SNTG1: variants seen among roughly 807,000 people sequenced by gnomAD.
The protein encoded by SNTG1 is syntrophin gamma 1, also known as gamma-1-syntrophin.
SNTG1 carries 39 observed loss-of-function variants against 74.7 expected under a neutral mutation model. That is an observed-to-expected ratio of 0.52 (90% CI 0.40 to 0.68). The LOEUF is 0.68. Among genes scored for constraint, SNTG1 ranks in the 30% least tolerant of loss-of-function variants. The probability of loss-of-function intolerance (pLI) is 0.00; values close to 1 mark genes in which losing one functional copy is unlikely to be tolerated. For synonymous variants in SNTG1, 254 were observed against 217.1 expected (o/e 1.17, Z -1.49); for missense variants, 685 against 609.5 (o/e 1.12, Z -1.30).
intron 3 of SNTG1, among the ~76,000 whole-genome samples, chr8:50,397,480 A>C (rs1428811370): frequency 6.6e-6 from 1 of 152,172 alleles, no homozygotes; most frequent in Admixed American, 6.5e-5. Flanking sequence ...AAAGCACTTC[A>C]GGAAGGAGTG....
chr8:50,605,342 T>A (rs2094805150), intron 13 of SNTG1, among the ~76,000 whole-genome samples: 1 of 152,170 alleles, frequency 6.6e-6, no homozygotes, highest in South Asian at 2.1e-4. Context: ...CCTTGTGGCT[T>A]AGACTGCCTT....
intron 1 of SNTG1, among the ~76,000 whole-genome samples, chr8:49,929,359 T>C (rs1046357985): frequency 2.0e-5 from 3 of 152,194 alleles, no homozygotes; most frequent in African/African-American, 7.2e-5. Flanking sequence ...TCTTACTCAA[T>C]GGTACTTGCT....
At chr8:50,607,417 T>G (rs189737218) in intron 13 of SNTG1, among the ~76,000 whole-genome samples, 1 of 151,732 alleles carries the variant, frequency 6.6e-6, no homozygotes, top group African/African-American at 2.4e-5. Flanking sequence ...AGTTATCAAA[T>G]TTATTTTTGA....
Position 50,258,295 on chromosome 8 carries a change from A to G in SNTG1, c.-28+85660A>G, listed in dbSNP as rs143381835. 4.6e-3 allele frequency among the ~76,000 whole-genome samples: 698 copies of G among 152,322 alleles called. 5 individuals carry two copies. The highest frequency in any genetic ancestry group is 6.8e-3 in the Non-Finnish European group (460 of 68,016). On this transcript the variant is annotated intron_variant, in intron 2 of 18. Transcript: ENST00000642720. ...GAAATGTGAGAGTAGGAAATATTAT[A>G]TTACTAATTTTTCTGAAATATGCTA...
At chr8:50,003,005 A>G (rs1345725441) in intron 1 of SNTG1, among the ~76,000 whole-genome samples, 2 of 152,200 alleles carry the variant, frequency 1.3e-5, no homozygotes, top group Non-Finnish European at 2.9e-5. Flanking sequence ...ACAAAGTCCC[A>G]CATATTATAT....
chr8:50,196,816 C>CA lies in SNTG1; in HGVS notation c.-28+24189dup, dbSNP rs964688672. Among the ~76,000 whole-genome samples, 240 of 144,764 alleles carry CA rather than the reference C, an allele frequency of 1.7e-3. 3 individuals carry two copies. Among genetic ancestry groups the CA allele is most frequent in the African/African-American group, 5.8e-3 (226 of 39,128 alleles). The allele number at this position is 144,764 out of a possible 152,430, so 95.0% of individuals were successfully genotyped here. A position where few individuals can be genotyped will look rare whatever the true frequency, so the allele number is the denominator to read the frequency against. ...TACTAAAAATACAAAAAAAAAAAAA[C>CA]AAAAAAAACCCAAAACCTAGTCAGG... On this transcript the variant is annotated intron_variant, in intron 2 of 18. Transcript: ENST00000642720.
intron 2 of SNTG1, among the ~76,000 whole-genome samples, chr8:50,316,776 A>T (rs188390889): frequency 6.6e-6 from 1 of 152,304 alleles, no homozygotes; most frequent in East Asian, 1.9e-4. Context: ...AAACACAATA[A>T]GAGTATGCAA....
Position 50,067,307 on chromosome 8 carries a change from T to C in SNTG1, c.-102-105254T>C, listed in dbSNP as rs139029409. Among the ~76,000 whole-genome samples the C allele has an allele frequency of 2.6e-5, 4 of 152,322 alleles. No homozygotes were observed. The East Asian group carries it at 7.7e-4, about 29-fold the overall frequency. On this transcript the variant is annotated intron_variant, in intron 1 of 18. Transcript: ENST00000642720. The stretch of plus-strand genomic sequence containing the variant: ...CAAACTAATACCATTACTTTAAAAA[T>C]TGAACTATTAATTTACACACCATTT...
chr8:50,175,956 G>A lies in SNTG1; in HGVS notation c.-28+3321G>A, dbSNP rs1165174315. Among the ~76,000 whole-genome samples the A allele has an allele frequency of 2.0e-5, 3 of 152,224 alleles. No individual in the cohort carries two copies. In the East Asian group the frequency reaches 5.8e-4, roughly 29 times the overall value. On this transcript the variant is annotated intron_variant, in intron 2 of 18. Transcript: ENST00000642720. ...ATTGAAAATAGCCCTAGGAGCATGA[G>A]GAACCCTGAGAGCCTGGGTGTCCTC...
At chr8:50,343,388 G>A (rs1328123388) in intron 2 of SNTG1, among the ~76,000 whole-genome samples, 1 of 152,122 alleles carries the variant, frequency 6.6e-6, no homozygotes, top group Non-Finnish European at 1.5e-5. Flanking sequence ...TGTATTTTAA[G>A]GCTGGAATCC....
At chr8:50,623,383 T>A (rs1037059560) in intron 13 of SNTG1, among the ~76,000 whole-genome samples, 2 of 152,134 alleles carry the variant, frequency 1.3e-5, no homozygotes, top group African/African-American at 4.8e-5. Flanking sequence ...GTCTTTGTCA[T>A]AAAAGGGTGT....
chr8:50,220,990 T>A (rs759783837), intron 2 of SNTG1, among the ~76,000 whole-genome samples: 1 of 152,078 alleles, frequency 6.6e-6, no homozygotes, highest in Non-Finnish European at 1.5e-5. Flanking sequence ...ACTAAGCAGG[T>A]GGAGAAAATG....
chr8:50,326,374 T>C (rs569417289), intron 2 of SNTG1, among the ~76,000 whole-genome samples: 332 of 152,166 alleles, frequency 2.2e-3, no homozygotes, highest in Non-Finnish European at 3.4e-3. Flanking sequence ...TTTATAGATA[T>C]AGGACTATTC....
chr8:50,276,242 A>G (rs1315430624), intron 2 of SNTG1, among the ~76,000 whole-genome samples: 1 of 152,032 alleles, frequency 6.6e-6, no homozygotes, highest in Non-Finnish European at 1.5e-5. Flanking sequence ...CACACTACAG[A>G]CCTACAAGCT....
intron 1 of SNTG1, among the ~76,000 whole-genome samples, chr8:49,928,575 A>C (rs1807264114): frequency 6.6e-6 from 1 of 152,110 alleles, no homozygotes; most frequent in Non-Finnish European, 1.5e-5. Flanking sequence ...GCTGGTGTGC[A>C]ACAAATGTTG....
At chr8:50,335,529 G>A (rs188125758) in intron 2 of SNTG1, among the ~76,000 whole-genome samples, 9 of 152,260 alleles carry the variant, frequency 5.9e-5, no homozygotes, top group Admixed American at 2.6e-4. Flanking sequence ...ATTGTACTTA[G>A]AAGTCTCTTT....
Position 50,010,017 on chromosome 8 carries a change from C to A in SNTG1, c.-103+97786C>A, listed in dbSNP as rs1374445214. 2.0e-5 allele frequency among the ~76,000 whole-genome samples: 3 copies of A among 152,056 alleles called. No individual in the cohort carries two copies. The East Asian group carries it at 5.8e-4, about 29-fold the overall frequency. On this transcript the variant is annotated intron_variant, in intron 1 of 18. Transcript: ENST00000642720. ...TCTAAAAAAACCCAATTATTTATTT[C>A]TTGATTCTCCTTTTTGTTTTTCCTT... is the stretch of plus-strand genomic sequence containing the variant.
intron 12 of SNTG1, among the ~76,000 whole-genome samples, chr8:50,589,282 T>C (rs1350176068): frequency 6.6e-6 from 1 of 152,146 alleles, no homozygotes. Context: ...CAAAAAATTA[T>C]AATATAACAA....
intron 12 of SNTG1, among the ~76,000 whole-genome samples, chr8:50,573,331 C>T (rs187058839): frequency 8.7e-4 from 133 of 152,034 alleles, no homozygotes; most frequent in South Asian, 2.5e-3. Context: ...AACAAATGTG[C>T]ACTTCTGTTT....
Sources: allele counts gnomAD v4.1 joint callset (sites outside exome capture counted in the v4.1 genomes callset), GRCh38; gene constraint gnomAD v4.1.1; transcripts MANE v1.5; gene names NCBI Gene and HGNC (gene_info 2026-07-23, HGNC 2026-07-21).